The following DCC variants were observed in gnomAD, a reference collection of about 807,000 sequenced individuals.
DCC encodes netrin receptor DCC.
A neutral mutation model predicts 172.5 loss-of-function variants in DCC; 58 were observed. The observed-to-expected ratio is 0.34, with a 90% CI of 0.27 to 0.42. The LOEUF is 0.42. DCC is among the 10% of genes least tolerant of loss of function. The pLI, the probability that DCC is intolerant of heterozygous loss-of-function variation, is 1.00. For synonymous variants in DCC, 709 were observed against 644.5 expected (o/e 1.10, Z -1.52); for missense variants, 1,740 against 1,791.0 (o/e 0.97, Z 0.51).
At chr18:52,795,916 A>G (rs1048382753) in intron 2 of DCC, among the ~76,000 whole-genome samples, 1 of 151,942 alleles carries the variant, frequency 6.6e-6, no homozygotes. Flanking sequence ...TCTATTAAAT[A>G]TTGTTCAATA....
chr18:52,901,521 GATA>G (rs1258005473), intron 2 of DCC, among the ~76,000 whole-genome samples: 2 of 152,094 alleles, frequency 1.3e-5, no homozygotes, highest in Non-Finnish European at 2.9e-5. Flanking sequence ...AGAAAGTGGA[GATA>G]ATAATACTTC....
chr18:53,261,048 G>T (rs1053355998), intron 12 of DCC, among the ~76,000 whole-genome samples: 1 of 152,128 alleles, frequency 6.6e-6, no homozygotes, highest in African/African-American at 2.4e-5. Context: ...TAAGACCGTT[G>T]GAAAAGTGCA....
chr18:52,590,154 A>G (rs964789966), intron 1 of DCC, among the ~76,000 whole-genome samples: 2 of 80,430 alleles, frequency 2.5e-5, no homozygotes, highest in African/African-American at 7.9e-5. Context: ...GCCTTGGTAT[A>G]AATGGTGTGT....
At chr18:52,355,053 T>C (rs994177260) in intron 1 of DCC, among the ~76,000 whole-genome samples, 128 of 152,312 alleles carry the variant, frequency 8.4e-4, no homozygotes, top group African/African-American at 3.0e-3. Flanking sequence ...TGGAACAAGA[T>C]AAAGTAGGTG....
intron 13 of DCC, among the ~76,000 whole-genome samples, chr18:53,313,158 C>G (rs891051759): frequency 6.6e-6 from 1 of 151,710 alleles, no homozygotes; most frequent in African/African-American, 2.4e-5. Flanking sequence ...GTTGGGGCCC[C>G]CAAAAATTGC....
chr18:53,317,525 C>T (rs1185877127), intron 13 of DCC, among the ~76,000 whole-genome samples: 4 of 151,980 alleles, frequency 2.6e-5, no homozygotes, highest in Admixed American at 1.3e-4. Context: ...CCCTCTTTTT[C>T]TGTTGTTTGG....
At chr18:53,346,624 A>G (rs2057729433) in intron 15 of DCC, among the ~76,000 whole-genome samples, 1 of 152,154 alleles carries the variant, frequency 6.6e-6, no homozygotes, top group Non-Finnish European at 1.5e-5. Flanking sequence ...TTTTAATATT[A>G]CAATCTCCAT....
At chr18:52,983,563 A>G (rs1167529721) in intron 5 of DCC, among the ~76,000 whole-genome samples, 1 of 152,156 alleles carries the variant, frequency 6.6e-6, no homozygotes, top group African/African-American at 2.4e-5. Context: ...GGGTTTGTGT[A>G]TGTGGTGATA....
chr18:53,404,099 C>A (rs896321603), intron 19 of DCC, among the ~76,000 whole-genome samples: 2 of 151,942 alleles, frequency 1.3e-5, no homozygotes, highest in East Asian at 3.9e-4. Flanking sequence ...GTTATAATCT[C>A]TTTTCATTGG....
intron 2 of DCC, among the ~76,000 whole-genome samples, chr18:52,839,687 A>T (rs1041750665): frequency 2.6e-5 from 4 of 152,238 alleles, no homozygotes; most frequent in African/African-American, 9.6e-5. Context: ...AAAATTTAAC[A>T]CATCTCCCTG....
intron 8 of DCC, among the ~76,000 whole-genome samples, chr18:53,177,776 T>C (rs934141397): frequency 6.6e-6 from 1 of 152,128 alleles, no homozygotes; most frequent in African/African-American, 2.4e-5. Flanking sequence ...CAACTAGACT[T>C]CAGGGAAGCC....
intron 1 of DCC, among the ~76,000 whole-genome samples, chr18:52,516,380 G>A (rs772842955): frequency 6.6e-6 from 1 of 152,176 alleles, no homozygotes; most frequent in Non-Finnish European, 1.5e-5. Flanking sequence ...GATTTGTGTT[G>A]TGGAATACTA....
rs11877031 is a variant in DCC at position 52,629,585 on chromosome 18, C to T, written c.92-122469C>T. ...AGCCTAGAACTTTGGGAGGCTGAAG[C>T]GGGTAGATCACCTGAGGTCAGGAGT... On this transcript the variant is annotated intron_variant, in intron 1 of 28. Coordinates refer to ENST00000442544, the MANE Select transcript of DCC (RefSeq NM_005215.4). 8.4e-3 allele frequency among the ~76,000 whole-genome samples: 1,280 copies of T among 152,170 alleles called. 16 individuals are homozygous for T. The highest frequency in any genetic ancestry group is 0.029 in the African/African-American group (1,207 of 41,506).
intron 1 of DCC, among the ~76,000 whole-genome samples, chr18:52,461,495 C>T (rs554611128): frequency 6.6e-6 from 1 of 151,690 alleles, no homozygotes; most frequent in Non-Finnish European, 1.5e-5. Context: ...ATTATATACT[C>T]TACATAATTG....
At chr18:53,200,896 G>A (rs780973292) in intron 9 of DCC, among the ~76,000 whole-genome samples, 5 of 151,998 alleles carry the variant, frequency 3.3e-5, no homozygotes, top group Non-Finnish European at 7.4e-5. Context: ...CTTCTCTTCC[G>A]TGCCACACTT....
At chr18:52,476,610 T>TAACA (rs1989101624) in intron 1 of DCC, among the ~76,000 whole-genome samples, 1 of 152,172 alleles carries the variant, frequency 6.6e-6, no homozygotes, top group Non-Finnish European at 1.5e-5. Flanking sequence ...ATTAATGTGG[T>TAACA]GTCTCTAAGA....
chr18:53,408,348 C>A (rs1295324714), intron 19 of DCC, among the ~76,000 whole-genome samples: 1 of 152,144 alleles, frequency 6.6e-6, no homozygotes, highest in Non-Finnish European at 1.5e-5. Context: ...GAGGTCTCAT[C>A]TTTGGTTTCA....
At chr18:52,882,834 C>T (rs114151297) in intron 2 of DCC, among the ~76,000 whole-genome samples, 2,601 of 152,016 alleles carry the variant, frequency 0.017, 56 homozygotes, top group African/African-American at 0.045. Context: ...GTGGAGGATC[C>T]GTCCAATGCT....
intron 2 of DCC, among the ~76,000 whole-genome samples, chr18:52,859,040 T>C (rs1409133186): frequency 6.6e-6 from 1 of 152,176 alleles, no homozygotes; most frequent in Non-Finnish European, 1.5e-5. Flanking sequence ...CATTGGCTCA[T>C]GCCTGCCATC....
Sources: gnomAD v4.1 joint callset for allele counts (sites outside exome capture counted in the v4.1 genomes callset) on GRCh38, gnomAD v4.1.1 for gene constraint, MANE v1.5 for transcripts, NCBI Gene and HGNC (gene_info 2026-07-23, HGNC 2026-07-21) for gene names.